Variants in ST7L observed in about 807,000 individuals in gnomAD.
ST7L encodes the protein suppressor of tumorigenicity 7 protein-like.
In ST7L, 57 loss-of-function variants were observed where a neutral mutation model predicts 72.5. The observed-to-expected ratio is 0.79, with a 90% confidence interval of 0.64 to 0.98. The LOEUF is 0.98. ST7L is among the 50% of genes least tolerant of loss of function. ST7L has a pLI of 0.00. For synonymous variants in ST7L, 221 were observed against 240.9 expected, an observed-to-expected ratio of 0.92 and a Z score of 0.77; for missense variants, 576 against 672.2, an observed-to-expected ratio of 0.86 and a Z score of 1.58.
intron 3 of ST7L, among the ~76,000 whole-genome samples, chr1:112,609,138 G>A (rs1668684989): frequency 6.6e-6 from 1 of 151,884 alleles, no homozygotes; most frequent in East Asian, 1.9e-4. Context: ...ACCAGCCTGG[G>A]CAACATACTG....
At chr1:112,520,286 T>A (rs1318541695), downstream of ST7L, 1 of 1,613,674 alleles carries the variant, frequency 6.2e-7, no homozygotes, top group African/African-American at 1.3e-5. Context: ...CCAGGTTCCC[T>A]AGGCACTGCA....
chr1:112,581,410 T>G (rs987649624), intron 9 of ST7L, among the ~76,000 whole-genome samples: 16 of 151,538 alleles, frequency 1.1e-4, no homozygotes, highest in Non-Finnish European at 2.1e-4. Context: ...TTTTTTTTTT[T>G]TTTTTTGAGA....
At chr1:112,584,543 A>C (rs1221218780) in intron 6 of ST7L, among the ~76,000 whole-genome samples, 2 of 151,902 alleles carry the variant, frequency 1.3e-5, no homozygotes, top group Non-Finnish European at 2.9e-5. Context: ...GCTGGAGTGC[A>C]ATGGCCCAAT....
intron 12 of ST7L, among the ~76,000 whole-genome samples, chr1:112,551,181 C>G (rs1366588373): frequency 9.5e-6 from 1 of 105,520 alleles, no homozygotes; most frequent in Non-Finnish European, 1.7e-5. Flanking sequence ...CAGAGTCTTG[C>G]TCTGTTGCCC....
intron 3 of ST7L, among the ~76,000 whole-genome samples, chr1:112,609,799 C>T (rs1436318855): frequency 6.6e-6 from 1 of 152,054 alleles, no homozygotes; most frequent in Non-Finnish European, 1.5e-5. Context: ...TCCAGCCTGG[C>T]AACAGACAAG....
At chr1:112,520,742 A>C (rs1289085874), downstream of ST7L, 1 of 585,060 alleles carries the variant, frequency 1.7e-6, no homozygotes, top group Non-Finnish European at 3.0e-6. Context: ...CGCTCTGGAG[A>C]TTTGAAGGGA....
At chr1:112,609,586 G>A (rs920150862) in intron 3 of ST7L, among the ~76,000 whole-genome samples, 7 of 151,272 alleles carry the variant, frequency 4.6e-5, no homozygotes, top group Admixed American at 3.3e-4. Flanking sequence ...AACTTTAGGA[G>A]GCCAAGGTGG....
intron 5 of ST7L, among the ~76,000 whole-genome samples, chr1:112,595,608 G>A (rs538843857): frequency 2.6e-5 from 4 of 151,856 alleles, no homozygotes; most frequent in Non-Finnish European, 5.9e-5. Context: ...TTTTTGTAGG[G>A]ATGGGGTCTT....
rs146893029 is a variant in ST7L, at chr1:112,611,969, CAAA to C, written c.289-969_289-967del. Among the ~76,000 whole-genome samples, 358 of 71,532 alleles carry C rather than the reference CAAA, an allele frequency of 5.0e-3. 1 individual carries two copies. The highest frequency in any genetic ancestry group is 0.048 in the East Asian group (117 of 2,456). The allele number at this position is 71,532 out of a possible 152,430, so 46.9% of individuals were successfully genotyped here. A position where few individuals can be genotyped will look rare whatever the true frequency, so the allele number is the denominator to read the frequency against. ...TGGGCAATAGAGTGAGACCCTGTCTCAAAAAAAAAAAAAAAAAAAAAAAAAGTC... is the reference window on the plus strand; with the variant it reads ...TGGGCAATAGAGTGAGACCCTGTCTCAAAAAAAAAAAAAAAAAAAAAAGTC... On this transcript the variant is annotated intron_variant, in intron 2 of 14. Transcript: ENST00000358039.
chr1:112,578,836 A>G (rs1005704447), intron 9 of ST7L, among the ~76,000 whole-genome samples: 2 of 152,206 alleles, frequency 1.3e-5, no homozygotes, highest in African/African-American at 4.8e-5. Context: ...TGCAAATTCA[A>G]TAGTTATATA....
At chr1:112,575,492 A>T (rs750309815) in intron 11 of ST7L, among the ~76,000 whole-genome samples, 25 of 152,234 alleles carry the variant, frequency 1.6e-4, no homozygotes, top group Non-Finnish European at 3.4e-4. Flanking sequence ...AGTAAGATAA[A>T]GGTTACCTGA....
chr1:112,576,302 C>T (rs534595892), intron 11 of ST7L, among the ~76,000 whole-genome samples: 15 of 152,164 alleles, frequency 9.9e-5, no homozygotes, highest in Admixed American at 3.3e-4. Context: ...ATTGCCCAGC[C>T]GCTAGTCCCA....
intron 1 of ST7L, 142 bp downstream of exon 1, chr1:112,618,767 A>G (rs1409970611): frequency 2.1e-6 from 3 of 1,438,744 alleles, no homozygotes; most frequent in East Asian, 5.0e-5. Context: ...TTGCAGCCCA[A>G]AAGAAAAAGA....
chr1:112,559,020 A>T (rs1659647624), intron 11 of ST7L, among the ~76,000 whole-genome samples: 1 of 152,230 alleles, frequency 6.6e-6, no homozygotes, highest in African/African-American at 2.4e-5. Flanking sequence ...ATAATATTTA[A>T]ACCAAGTTCT....
At position 112,526,085 on chromosome 1, in the gene ST7L, G is replaced by C; in HGVS notation, c.1656C>G (p.Pro552=). 1 of 1,614,146 alleles carries C rather than the reference G, an allele frequency of 6.2e-7. No homozygotes were observed. The highest frequency in any genetic ancestry group is 8.5e-7 in the Non-Finnish European group (1 of 1,180,036). The change falls in exon 15 of 15, where the codon CCC becomes CCG. Residue 552 remains proline (P), a synonymous_variant. Transcript: ENST00000358039. ...TCTCCTCAAAGCCTGAGGATGCCCA[G>C]GGTTGGGGGCACCAGAGTCCCAGCA... The part of the protein sequence containing the change: ...KAVLGLWCPQ[P]WASSGFEENT...
intron 6 of ST7L, among the ~76,000 whole-genome samples, chr1:112,584,400 C>A (rs1664578365): frequency 6.6e-6 from 1 of 150,732 alleles, no homozygotes; most frequent in African/African-American, 2.4e-5. Context: ...CATTCTCTGA[C>A]CCATTGTCCT....
chr1:112,542,790 C>A (rs566234985), intron 13 of ST7L, among the ~76,000 whole-genome samples: 13 of 147,106 alleles, frequency 8.8e-5, no homozygotes, highest in African/African-American at 1.5e-4. Context: ...TAAATAAATA[C>A]ATTTGAGTTG....
chr1:112,612,238 C>T (rs1669181351), intron 2 of ST7L, among the ~76,000 whole-genome samples: 1 of 152,008 alleles, frequency 6.6e-6, no homozygotes, highest in South Asian at 2.1e-4. Flanking sequence ...GCTAGGACTA[C>T]AGGCATGTGC....
At chr1:112,518,846 A>AT (rs144290779), downstream of ST7L, among the ~76,000 whole-genome samples, 25 of 152,324 alleles carry the variant, frequency 1.6e-4, no homozygotes, top group East Asian at 4.8e-3. Flanking sequence ...CTCCAAAGCA[A>AT]TAGAGTCCAA....
Sources: gnomAD v4.1 joint callset for allele counts (sites outside exome capture counted in the v4.1 genomes callset) on GRCh38, gnomAD v4.1.1 for gene constraint, MANE v1.5 for transcripts, NCBI Gene and HGNC (gene_info 2026-07-23, HGNC 2026-07-21) for gene names.